The following PKN3 variants were observed in gnomAD, a reference collection of about 807,000 sequenced individuals.
PKN3 encodes the protein protein kinase N3.
PKN3 carries 91 observed loss-of-function variants against 113.1 expected under a neutral mutation model. The observed-to-expected ratio is 0.80, with a 90% CI of 0.68 to 0.96. The LOEUF is 0.96. Among genes scored for constraint, PKN3 ranks in the 40% least tolerant of loss-of-function variants. The pLI is 0.00. For missense variants in PKN3, 1,052 were observed against 1,202.2 expected, an observed-to-expected ratio of 0.88 and a Z score of 1.85; for synonymous variants, 467 against 499.0, an observed-to-expected ratio of 0.94 and a Z score of 0.85.
rs74675182 is a variant in PKN3 at position 128,707,105 on chromosome 9, G to A, written c.651+82G>A. 3.5e-3 allele frequency: 5,622 copies of A among 1,593,820 alleles called. 103 individuals are homozygous for A. In the East Asian group the frequency reaches 0.043, roughly 12 times the overall value. The stretch of plus-strand genomic sequence containing the variant: ...GCAGGGGTGTGAAGGGAGGGTGGCC[G>A]TGTAAAAGCAGGACTTCTCTGTTGA... On this transcript the variant is annotated intron_variant, in intron 5 of 21. Transcript: ENST00000291906.
At position 128,706,709 on chromosome 9, in the gene PKN3, A is replaced by T. The variant is rs2132288649; in HGVS notation, c.412-4A>T. The T allele has an allele frequency of 1.3e-6, 2 of 1,559,902 alleles. No individual in the cohort carries two copies. The highest frequency in any genetic ancestry group is 2.3e-5 in the East Asian group (1 of 43,720). ...TCTGATGGGCCTGTGCTATGGCTCC[A>T]TAGGAGAGGAAGCTCCTGGCAGCTG... On this transcript the variant is annotated splice_polypyrimidine_tract_variant and splice_region_variant and intron_variant, in intron 3 of 21. Transcript: ENST00000291906.
Position 128,720,196 on chromosome 9 carries a change from T to C in PKN3, c.2377-7T>C. 3 of 1,613,186 alleles carry C rather than the reference T, an allele frequency of 1.9e-6. No homozygotes were observed. The highest frequency in any genetic ancestry group is 2.5e-6 in the Non-Finnish European group (3 of 1,179,716). On this transcript the variant is annotated splice_region_variant and splice_polypyrimidine_tract_variant and intron_variant, in intron 20 of 21. Coordinates refer to ENST00000291906, the MANE Select transcript of PKN3 (RefSeq NM_013355.5). This position sits in a 1 kb window ranked among gnomAD's most constrained non-coding sequence, Gnocchi z 5.5. The stretch of plus-strand genomic sequence containing the variant: ...TGCCCTAAGTGAGCGCCTGTCCTAT[T>C]GCCCAGCTCCTCCAGAAGTGCCCGG...
At position 128,707,344 on chromosome 9, in the gene PKN3, G is replaced by A. The variant is rs1564371127; in HGVS notation, c.774G>A (p.Arg258=). ...GCAGCAGAGTGACCCGAGAGTTGCG[G>A]GCTGCGGTGCCTGGATACCCCCAGC... ...PLRSRVTREL[R]AAVPGYPQPS... The change falls in exon 6 of 22, where the codon CGG becomes CGA. Residue 258 remains arginine (R), a synonymous_variant. Coordinates refer to ENST00000291906, the MANE Select transcript of PKN3 (RefSeq NM_013355.5). The A allele has an allele frequency of 6.2e-7, 1 of 1,613,732 alleles. No homozygotes were observed. The highest frequency in any genetic ancestry group is 8.5e-7 in the Non-Finnish European group (1 of 1,179,922).
chr9:128,718,676 G>A (rs878858674), intron 18 of PKN3, 51 bp downstream of exon 18: 2 of 1,533,274 alleles, frequency 1.3e-6, no homozygotes, highest in Middle Eastern at 1.7e-4. Context: ...TACCCACCCT[G>A]GCCAATAGGA....
At chr9:128,718,702 A>G in intron 18 of PKN3, 77 bp downstream of exon 18, 3 of 1,338,344 alleles carry the variant, frequency 2.2e-6, no homozygotes, top group East Asian at 2.3e-5. Context: ...GGCACATGGC[A>G]TGTCCCAGGA....
At chr9:128,716,623 A>G (rs1490480429) in intron 15 of PKN3, 124 bp from the exon 16 acceptor site, 2 of 711,364 alleles carry the variant, frequency 2.8e-6, no homozygotes, top group Non-Finnish European at 4.8e-6. Flanking sequence ...ATGAAAAGAA[A>G]CCATCAGTCT....
chr9:128,713,477 C>T (rs768462068), intron 8 of PKN3, 22 bp from the exon 9 acceptor site: 1 of 1,613,880 alleles, frequency 6.2e-7, no homozygotes, highest in Non-Finnish European at 8.5e-7. Flanking sequence ...CCCCACCCTT[C>T]AGCCTGGCCT....
intron 6 of PKN3, among the ~76,000 whole-genome samples, 192 bp downstream of exon 6, chr9:128,707,597 C>T (rs944345919): frequency 7.9e-5 from 12 of 152,256 alleles, no homozygotes; most frequent in African/African-American, 2.9e-4. Flanking sequence ...TGATATAGCA[C>T]CTACCTCATA....
Position 128,707,208 on chromosome 9 carries a change from T to C in PKN3, c.652-14T>C. 1.3e-6 allele frequency: 2 copies of C among 1,596,926 alleles called. No individual in the cohort carries two copies. The highest frequency in any genetic ancestry group is 1.7e-6 in the Non-Finnish European group (2 of 1,168,120). ...ATACCCCACGAACCTGGCTCTACGTTGTCCCCTCTGCAGGCCCAGGCCCAG... is the reference window on the plus strand; with the variant it reads ...ATACCCCACGAACCTGGCTCTACGTCGTCCCCTCTGCAGGCCCAGGCCCAG... On this transcript the variant is annotated splice_polypyrimidine_tract_variant and intron_variant, in intron 5 of 21. Transcript: ENST00000291906.
At position 128,713,357 on chromosome 9, in the gene PKN3, G is replaced by C; in HGVS notation, c.1062G>C (p.Trp354Cys). The change falls in exon 8 of 22, where the codon TGG becomes TGC. Residue 354 changes from tryptophan (W) to cysteine (C), a missense_variant. By Grantham distance (215) the Trp-to-Cys change is radical. Coordinates refer to ENST00000291906, the MANE Select transcript of PKN3 (RefSeq NM_013355.5). The stretch of plus-strand genomic sequence containing the variant: ...GGGGGCAGGTGGCCGAACAGTCCTG[G>C]GACCAGACCTTTGTCATCCCACTGG... ...TGWGQVAEQS[W>C]DQTFVIPLER... The C allele has an allele frequency of 1.2e-6, 2 of 1,614,058 alleles. No homozygotes were observed. Among genetic ancestry groups the C allele is most frequent in the Non-Finnish European group, 1.7e-6 (2 of 1,180,016 alleles).
Position 128,704,068 on chromosome 9 carries a change from G to T in PKN3, c.24+1129G>T, listed in dbSNP as rs570990702. 2.7e-5 allele frequency: 26 copies of T among 959,282 alleles called. No individual in the cohort carries two copies. The African/African-American group carries it at 4.6e-4, about 17-fold the overall frequency. 59.4% of individuals were successfully genotyped at this position (959,282 alleles called of 1,614,324 possible). ...CCCCGCTGAGGTCTGGGGTGGGGGG[G>T]TCCCTGAGTCTGGGGTTGCGGCCCC... On this transcript the variant is annotated intron_variant, in intron 1 of 21. Coordinates refer to ENST00000291906, the MANE Select transcript of PKN3 (RefSeq NM_013355.5).
In PKN3 at chr9:128,705,404, C is replaced by G; in HGVS notation, c.126C>G (p.Arg42=). The change falls in exon 2 of 22, where the codon CGC becomes CGG. Residue 42 remains arginine (R), a synonymous_variant. Coordinates refer to ENST00000291906, the MANE Select transcript of PKN3 (RefSeq NM_013355.5). ...AGGAGGGGGTGGAGAACCTGCGGCG[C>G]GTGGCCACAGACCGCCGCCACTTGG... is the stretch of plus-strand genomic sequence containing the variant. ...KIKEGVENLR[R]VATDRRHLGH... is the part of the protein sequence containing the mutation. 6.3e-7 allele frequency: 1 copy of G among 1,597,114 alleles called. No homozygotes were observed. The highest frequency in any genetic ancestry group is 8.5e-7 in the Non-Finnish European group (1 of 1,172,400).
intron 15 of PKN3, among the ~76,000 whole-genome samples, chr9:128,716,297 CAAA>C (rs35693710): frequency 7.8e-4 from 77 of 98,596 alleles, no homozygotes; most frequent in Non-Finnish European, 7.4e-4. Context: ...GACCCTGTCT[CAAA>C]AAAAAAAAAA....
Position 128,715,060 on chromosome 9 carries a change from G to T in PKN3, c.1653-112G>T. The T allele has an allele frequency of 1.6e-6, 2 of 1,219,470 alleles. No individual in the cohort carries two copies. The highest frequency in any genetic ancestry group is 1.2e-6 in the Non-Finnish European group (1 of 836,566). 75.5% of individuals were successfully genotyped at this position (1,219,470 alleles called of 1,614,324 possible). On this transcript the variant is annotated intron_variant, in intron 13 of 21. Transcript: ENST00000291906. This position sits in a 1 kb window ranked among gnomAD's most constrained non-coding sequence, Gnocchi z 4.1. ...GGAGTCCTTACTGCAGGGCTTTTTC[G>T]AGCCCATAGGTCGGGACAGCCCAGG...
chr9:128,703,100 A>C (rs1861903486), intron 1 of PKN3, among the ~76,000 whole-genome samples, 161 bp downstream of exon 1: 1 of 152,032 alleles, frequency 6.6e-6, no homozygotes, highest in Admixed American at 6.5e-5. Flanking sequence ...CTCGCAGAGC[A>C]GACCTGATCT....
At position 128,720,605 on chromosome 9, in the gene PKN3, G is replaced by A; in HGVS notation, c.2669G>A (p.Ter890=). 4 of 1,612,392 alleles carry A rather than the reference G, an allele frequency of 2.5e-6. No individual in the cohort carries two copies. Among genetic ancestry groups the A allele is most frequent in the Non-Finnish European group, 3.4e-6 (4 of 1,179,450 alleles). Residue 890 remains the stop codon, a stop_retained_variant, in exon 22 of 22, where the codon TGA becomes TAA. Transcript: ENST00000291906. This position sits in a 1 kb window ranked among gnomAD's most constrained non-coding sequence, Gnocchi z 5.5. The part of the protein sequence containing the change: ...DFVSERFLEP[*] Reference sequence around the variant, plus strand: ...GTGTCAGAGCGATTCCTGGAACCCTGAGGGCATCTCCTGGCACCTCTGTCC... The same window carrying A: ...GTGTCAGAGCGATTCCTGGAACCCTAAGGGCATCTCCTGGCACCTCTGTCC...
intron 1 of PKN3, chr9:128,704,069 TCC>T: frequency 1.0e-6 from 1 of 965,648 alleles, no homozygotes; most frequent in Non-Finnish European, 1.2e-6. Flanking sequence ...GGTGGGGGGG[TCC>T]CTGAGTCTGG....
rs377311012 is a variant in PKN3 at position 128,714,300 on chromosome 9, C to A, written c.1416C>A (p.Ser472Arg). 1 of 1,613,266 alleles carries A rather than the reference C, an allele frequency of 6.2e-7. No homozygotes were observed. Among genetic ancestry groups the A allele is most frequent in the Non-Finnish European group, 8.5e-7 (1 of 1,179,608 alleles). ...CCTGCAGCTCCCCGAGCACAATCAG[C>A]CCCCCTAAAGGATGCCCTCGGACCC... ...LPPCSSPSTI[S>R]PPKGCPRTPT... The change falls in exon 11 of 22, where the codon AGC becomes AGA. Residue 472 changes from serine to arginine, a missense_variant. This residue lies in a region of PKN3 where 719 missense variants were observed against 759.4 expected (regional missense o/e 0.95). Coordinates refer to ENST00000291906, the MANE Select transcript of PKN3 (RefSeq NM_013355.5).
rs766173850 is a variant in PKN3 at position 128,702,904 on chromosome 9, C to G, written c.-12C>G. ...GGCTGAGAGAAGGGCCCCAAGCGGCCGGAGCGGCGCCATGGAGGAGGGGGC... is the reference window on the plus strand; with the variant it reads ...GGCTGAGAGAAGGGCCCCAAGCGGCGGGAGCGGCGCCATGGAGGAGGGGGC... On this transcript the variant is annotated 5_prime_UTR_variant, in exon 1 of 22. Transcript: ENST00000291906. 3 of 1,483,392 alleles carry G rather than the reference C, an allele frequency of 2.0e-6. No homozygotes were observed. The South Asian group carries it at 3.8e-5, about 19-fold the overall frequency. The allele number at this position is 1,483,392 out of a possible 1,614,324, so 91.9% of individuals were successfully genotyped here.
Sources: allele counts gnomAD v4.1 joint callset (sites outside exome capture counted in the v4.1 genomes callset), GRCh38; gene constraint gnomAD v4.1.1; regional missense constraint gnomAD v4.1.1; non-coding constraint Gnocchi (gnomAD v3.1); transcripts MANE v1.5; gene names NCBI Gene and HGNC (gene_info 2026-07-23, HGNC 2026-07-21).